FOXN3: variants seen among roughly 807,000 people sequenced by gnomAD.
FOXN3 encodes the protein forkhead box protein N3.
FOXN3 carries 7 observed loss-of-function variants against 38.4 expected under a neutral mutation model. That is an observed-to-expected ratio of 0.18 (90% CI 0.10 to 0.34). The LOEUF (loss-of-function observed/expected upper bound fraction) is 0.34. FOXN3 is among the 10% of genes least tolerant of loss of function. The pLI, the probability that FOXN3 is intolerant of heterozygous loss-of-function variation, is 1.00. For synonymous variants in FOXN3, 230 were observed against 242.2 expected (o/e 0.95, Z 0.47); for missense variants, 456 against 613.4 (o/e 0.74, Z 2.71).
chr14:89,481,170 C>T (rs1893319833), intron 1 of FOXN3, among the ~76,000 whole-genome samples: 1 of 151,114 alleles, frequency 6.6e-6, no homozygotes, highest in South Asian at 2.1e-4. Flanking sequence ...TGGGAAGGGG[C>T]CTGTTTGGAT....
chr14:89,316,623 A>G (rs1887726115), intron 3 of FOXN3, among the ~76,000 whole-genome samples: 1 of 150,754 alleles, frequency 6.6e-6, no homozygotes, highest in Non-Finnish European at 1.5e-5. Flanking sequence ...AGCCTCCCAA[A>G]GTGCTGGGAT....
At chr14:89,275,552 C>A (rs967481970) in intron 4 of FOXN3, among the ~76,000 whole-genome samples, 1 of 152,176 alleles carries the variant, frequency 6.6e-6, no homozygotes, top group Admixed American at 6.5e-5. Flanking sequence ...AGTGTTCCTT[C>A]CACTATAACT....
intron 1 of FOXN3, among the ~76,000 whole-genome samples, chr14:89,574,833 T>C (rs918157162): frequency 6.6e-6 from 1 of 152,114 alleles, no homozygotes; most frequent in African/African-American, 2.4e-5. Context: ...CCTCCAATTC[T>C]TAAAATCTCT....
rs529681653 is a variant in FOXN3 at position 89,425,857 on chromosome 14, ATTTAT to A, written c.-14-13372_-14-13368del. ...ATTATCACATCATAATTTTGTTGAT[ATTTAT>A]TTTATCTGTGTTTCCATTTAAGAAG... On this transcript the variant is annotated intron_variant, in intron 1 of 6. Coordinates refer to the FOXN3 transcript ENST00000345097. Among the ~76,000 whole-genome samples, 159 of 152,278 alleles carry A rather than the reference ATTTAT, an allele frequency of 1.0e-3. 1 individual carries two copies. Among genetic ancestry groups the A allele is most frequent in the African/African-American group, 3.6e-3 (150 of 41,540 alleles).
intron 4 of FOXN3, among the ~76,000 whole-genome samples, chr14:89,245,857 C>A (rs1885279359): frequency 6.6e-6 from 1 of 152,172 alleles, no homozygotes; most frequent in Non-Finnish European, 1.5e-5. Flanking sequence ...ATCAGCCCCC[C>A]ATCCCGCATC....
rs991933190 is a variant in FOXN3, at chr14:89,548,867, C to G, written c.-15+70161G>C. Among the ~76,000 whole-genome samples, 65 of 152,130 alleles carry G rather than the reference C, an allele frequency of 4.3e-4. No homozygotes were observed. Among genetic ancestry groups the G allele is most frequent in the Middle Eastern group, 3.4e-3 (1 of 294 alleles). Reference sequence around the variant, plus strand: ...GGCGCGGTGGCTCACGCCTGTAATCCCAGCACTTTTGGAGGCCAAGGCAGG... The same window carrying G: ...GGCGCGGTGGCTCACGCCTGTAATCGCAGCACTTTTGGAGGCCAAGGCAGG... On this transcript the variant is annotated intron_variant, in intron 1 of 6. Coordinates refer to the FOXN3 transcript ENST00000345097. The surrounding 1 kb of genome is among the most constrained non-coding windows in gnomAD (Gnocchi z 4.8).
chr14:89,502,837 C>G (rs1461556513), intron 1 of FOXN3, among the ~76,000 whole-genome samples: 3 of 152,156 alleles, frequency 2.0e-5, no homozygotes, highest in African/African-American at 7.2e-5. Context: ...GGGGCAGTTT[C>G]TGACTTCCAG....
intron 1 of FOXN3, among the ~76,000 whole-genome samples, chr14:89,479,144 C>T (rs1382140068): frequency 1.3e-5 from 2 of 152,020 alleles, no homozygotes; most frequent in African/African-American, 4.8e-5. Flanking sequence ...ACTGCCTCAG[C>T]CTGAAGATCT....
chr14:89,285,708 G>A (rs985385643), intron 3 of FOXN3, among the ~76,000 whole-genome samples: 4 of 152,154 alleles, frequency 2.6e-5, no homozygotes, highest in Admixed American at 6.5e-5. Flanking sequence ...CTCATGGAAG[G>A]AGGAGTAGGG....
intron 4 of FOXN3, chr14:89,190,565 A>T: frequency 1.4e-6 from 1 of 734,660 alleles, no homozygotes; most frequent in Non-Finnish European, 2.2e-6. Flanking sequence ...AATATCCAGC[A>T]ACTGGATGAG....
chr14:89,237,793 GCATAATT>G (rs1566936109), intron 4 of FOXN3, among the ~76,000 whole-genome samples: 1 of 152,178 alleles, frequency 6.6e-6, no homozygotes, highest in Non-Finnish European at 1.5e-5. Context: ...TTACTCTGCT[GCATAATT>G]CTTTGTAGCA....
chr14:89,345,900 A>G (rs530231256), intron 3 of FOXN3, among the ~76,000 whole-genome samples: 16 of 152,172 alleles, frequency 1.1e-4, no homozygotes, highest in Non-Finnish European at 2.4e-4. Flanking sequence ...AAAAACCACA[A>G]AAATTAGCAG....
At chr14:89,269,188 G>T (rs1020113592) in intron 4 of FOXN3, among the ~76,000 whole-genome samples, 1 of 152,162 alleles carries the variant, frequency 6.6e-6, no homozygotes, top group African/African-American at 2.4e-5. Context: ...CAAATTAGCA[G>T]GACCAGATCA....
chr14:89,213,554 G>A (rs2139834143), intron 4 of FOXN3, among the ~76,000 whole-genome samples: 1 of 152,252 alleles, frequency 6.6e-6, no homozygotes, highest in Non-Finnish European at 1.5e-5. Flanking sequence ...CTTAAGGATG[G>A]CTGATTCCAT....
At chr14:89,502,408 G>A (rs1277642272) in intron 1 of FOXN3, among the ~76,000 whole-genome samples, 2 of 152,248 alleles carry the variant, frequency 1.3e-5, no homozygotes, top group East Asian at 3.9e-4. Flanking sequence ...TGCCAAAGTT[G>A]GGTAGCAGGT....
At chr14:89,399,215 C>T (rs953272318) in intron 2 of FOXN3, among the ~76,000 whole-genome samples, 6 of 152,120 alleles carry the variant, frequency 3.9e-5, no homozygotes, top group African/African-American at 1.2e-4. Context: ...AAAGACAAGG[C>T]GCAGAGATGA....
rs117675103 is a variant in FOXN3, at chr14:89,560,461, C to T, written c.-15+58567G>A. Among the ~76,000 whole-genome samples, 176 of 152,314 alleles carry T rather than the reference C, an allele frequency of 1.2e-3. 1 individual carries two copies. In the East Asian group the frequency reaches 0.031, roughly 27 times the overall value. On this transcript the variant is annotated intron_variant, in intron 1 of 6. Transcript: ENST00000345097. ...AAGGATAGGGAACCATACCCCATCCCTAAGTTACCTACAGAACTCAGTGGT... is the reference window on the plus strand; with the variant it reads ...AAGGATAGGGAACCATACCCCATCCTTAAGTTACCTACAGAACTCAGTGGT...
chr14:89,308,694 A>G (rs1047902345), intron 3 of FOXN3, among the ~76,000 whole-genome samples: 3 of 152,254 alleles, frequency 2.0e-5, no homozygotes, highest in Non-Finnish European at 2.9e-5. Flanking sequence ...CAAAAAGAGA[A>G]GCTGAGTCAT....
chr14:89,351,562 G>C (rs984197567), intron 2 of FOXN3, among the ~76,000 whole-genome samples: 2 of 152,310 alleles, frequency 1.3e-5, no homozygotes, highest in African/African-American at 2.4e-5. Context: ...CCTGTGAAGC[G>C]TTTGGTCTAT....
Sources: gnomAD v4.1 joint callset for allele counts (sites outside exome capture counted in the v4.1 genomes callset) on GRCh38, gnomAD v4.1.1 for gene constraint, Gnocchi (gnomAD v3.1) non-coding constraint, MANE v1.5 for transcripts, NCBI Gene and HGNC (gene_info 2026-07-23, HGNC 2026-07-21) for gene names.